EIF4ENIF1: variants seen among roughly 807,000 people sequenced by gnomAD.
The protein encoded by EIF4ENIF1 is eukaryotic translation initiation factor 4E transporter.
In EIF4ENIF1, 23 loss-of-function variants were observed where a neutral mutation model predicts 110.5. The ratio of observed to expected loss-of-function variants is 0.21; its 90% CI spans 0.15 to 0.29. EIF4ENIF1 has a LOEUF of 0.29. Ranked by LOEUF, EIF4ENIF1 falls within the 10% of genes least tolerant of loss-of-function variation. EIF4ENIF1 has a pLI of 1.00. For synonymous variants in EIF4ENIF1, 440 were observed against 437.0 expected, an observed-to-expected ratio of 1.01 and a Z score of -0.09; for missense variants, 1,031 against 1,221.1, an observed-to-expected ratio of 0.84 and a Z score of 2.32.
intron 2 of EIF4ENIF1, among the ~76,000 whole-genome samples, chr22:31,479,103 G>C (rs755975171): frequency 5.4e-5 from 8 of 148,180 alleles, no homozygotes; most frequent in Non-Finnish European, 1.2e-4. Flanking sequence ...TTTTTTTGGA[G>C]ATGGAATCTC....
intron 2 of EIF4ENIF1, among the ~76,000 whole-genome samples, chr22:31,486,357 G>C (rs1347014740): frequency 2.0e-5 from 3 of 152,164 alleles, no homozygotes; most frequent in Admixed American, 1.3e-4. Context: ...CCAGCTACTT[G>C]GGAGGCTGAG....
rs1362888431 is a variant in EIF4ENIF1, at chr22:31,439,655, C to T, written c.*225G>A. On this transcript the variant is annotated 3_prime_UTR_variant, in exon 19 of 19. Coordinates refer to ENST00000330125, the MANE Select transcript of EIF4ENIF1 (RefSeq NM_019843.4). Reference sequence around the variant, plus strand: ...TCTTACAAAAAAGAAAGACCATTTCCAGGATTGACAACATTGTGCATCCTG... The same window carrying T: ...TCTTACAAAAAAGAAAGACCATTTCTAGGATTGACAACATTGTGCATCCTG... 8.4e-6 allele frequency: 5 copies of T among 598,668 alleles called. No homozygotes were observed. The African/African-American group carries it at 9.4e-5, about 11-fold the overall frequency. 37.1% of individuals were successfully genotyped at this position (598,668 alleles called of 1,614,324 possible).
At chr22:31,476,121 TGCAAA>T (rs2051563309) in intron 2 of EIF4ENIF1, among the ~76,000 whole-genome samples, 1 of 152,218 alleles carries the variant, frequency 6.6e-6, no homozygotes, top group African/African-American at 2.4e-5. Context: ...GAAAAACCAC[TGCAAA>T]GCAATTTTTT....
chr22:31,475,954 G>C (rs903446578), intron 2 of EIF4ENIF1, among the ~76,000 whole-genome samples: 1 of 152,000 alleles, frequency 6.6e-6, no homozygotes, highest in South Asian at 2.1e-4. Flanking sequence ...CTTTGGGGCT[G>C]GGGGGAGGGG....
At chr22:31,451,215 A>T (rs987688212) in intron 10 of EIF4ENIF1, 18 of 152,158 alleles carry the variant, frequency 1.2e-4, no homozygotes, top group African/African-American at 4.3e-4. Flanking sequence ...CTAGTAAACA[A>T]CATGCAGGTT....
intron 2 of EIF4ENIF1, among the ~76,000 whole-genome samples, chr22:31,487,689 C>T (rs2052094014): frequency 1.3e-5 from 2 of 150,470 alleles, no homozygotes; most frequent in South Asian, 4.2e-4. Flanking sequence ...ACTCAGGAGA[C>T]TGAGATGGGA....
In EIF4ENIF1 at chr22:31,468,160, T is replaced by C. The variant is rs1275870126; in HGVS notation, c.298+15A>G. 2 of 1,611,242 alleles carry C rather than the reference T, an allele frequency of 1.2e-6. No individual in the cohort carries two copies. The highest frequency in any genetic ancestry group is 1.3e-5 in the African/African-American group (1 of 74,904). On this transcript the variant is annotated intron_variant, in intron 4 of 18. Transcript: ENST00000330125. ...CAAAATCACTAACCCCACTTCTGAG[T>C]GACTGTGTGCTCACCTACTATCCTG...
In EIF4ENIF1 at chr22:31,463,574, G is replaced by A; in HGVS notation, c.585+107C>T. 1.8e-6 allele frequency: 2 copies of A among 1,137,484 alleles called. 1 individual carries two copies. Among genetic ancestry groups the A allele is most frequent in the Non-Finnish European group, 2.4e-6 (2 of 824,058 alleles). The allele number at this position is 1,137,484 out of a possible 1,614,324, so 70.5% of individuals were successfully genotyped here. A position where few individuals can be genotyped will look rare whatever the true frequency, so the allele number is the denominator to read the frequency against. On this transcript the variant is annotated intron_variant, in intron 5 of 18. Transcript: ENST00000330125. Reference sequence around the variant, plus strand: ...GTGCGTGCCTATAATCCCAGATACTGGGCTGAGGCAGCAGTGAGTCAAGAT... The same window carrying A: ...GTGCGTGCCTATAATCCCAGATACTAGGCTGAGGCAGCAGTGAGTCAAGAT...
intron 2 of EIF4ENIF1, among the ~76,000 whole-genome samples, chr22:31,480,883 G>A (rs1025609935): frequency 6.6e-6 from 1 of 151,912 alleles, no homozygotes; most frequent in African/African-American, 2.4e-5. Flanking sequence ...TGGCCAACAT[G>A]GCGAAATCGT....
chr22:31,443,692 G>T (rs975190553), intron 15 of EIF4ENIF1, among the ~76,000 whole-genome samples: 1 of 151,836 alleles, frequency 6.6e-6, no homozygotes, highest in African/African-American at 2.4e-5. Context: ...CTGCCTTCAA[G>T]GTCACCGGTG....
chr22:31,456,500 A>G (rs11089505), intron 7 of EIF4ENIF1, among the ~76,000 whole-genome samples: 23,739 of 147,578 alleles, frequency 0.16, 2,317 homozygotes, highest in East Asian at 0.46. Flanking sequence ...TGGGATTACA[A>G]GCATGAGCCA....
At chr22:31,469,010 T>TA (rs1469165916) in intron 3 of EIF4ENIF1, among the ~76,000 whole-genome samples, 1 of 152,200 alleles carries the variant, frequency 6.6e-6, no homozygotes, top group Non-Finnish European at 1.5e-5. Flanking sequence ...AGCACCTGGA[T>TA]CATTTGATGT....
Position 31,449,834 on chromosome 22 carries a change from G to A in EIF4ENIF1, c.1585-303C>T, listed in dbSNP as rs186648017. On this transcript the variant is annotated intron_variant, in intron 11 of 18. Transcript: ENST00000330125. ...CAACCTCTGCCTACCGGGTTCAAGC[G>A]ATTCTCACGCCTCAGCCTCCTAAGG... Among the ~76,000 whole-genome samples the A allele has an allele frequency of 3.4e-4, 52 of 151,548 alleles. No homozygotes were observed. The South Asian group carries it at 3.6e-3, about 10-fold the overall frequency.
chr22:31,482,151 G>C (rs1365371820), intron 2 of EIF4ENIF1, among the ~76,000 whole-genome samples: 1 of 147,926 alleles, frequency 6.8e-6, no homozygotes, highest in Non-Finnish European at 1.5e-5. Context: ...CTGGATAACA[G>C]TGAGAGCCTG....
intron 14 of EIF4ENIF1, among the ~76,000 whole-genome samples, chr22:31,446,691 AG>A (rs918927691): frequency 1.3e-5 from 2 of 152,296 alleles, no homozygotes; most frequent in Admixed American, 1.3e-4. Context: ...GAGGAGGAAA[AG>A]GGGTATTACT....
chr22:31,448,024 C>A, intron 13 of EIF4ENIF1, 129 bp downstream of exon 13: 1 of 996,450 alleles, frequency 1.0e-6, no homozygotes, highest in Non-Finnish European at 1.5e-6. Flanking sequence ...GCTGGGATTA[C>A]GGGCATGAGC....
At chr22:31,460,472 A>T (rs539983600) in intron 6 of EIF4ENIF1, among the ~76,000 whole-genome samples, 1 of 150,676 alleles carries the variant, frequency 6.6e-6, no homozygotes, top group East Asian at 2.0e-4. Context: ...TCTCTACTAA[A>T]AATACAAAAA....
At chr22:31,461,001 T>C (rs2050975894) in intron 6 of EIF4ENIF1, among the ~76,000 whole-genome samples, 1 of 152,158 alleles carries the variant, frequency 6.6e-6, no homozygotes, top group South Asian at 2.1e-4. Flanking sequence ...TGTTGCCTAG[T>C]ATCTGCCAAA....
At chr22:31,439,061 G>C (rs1266518154), downstream of EIF4ENIF1, among the ~76,000 whole-genome samples, 1 of 152,182 alleles carries the variant, frequency 6.6e-6, no homozygotes, top group Non-Finnish European at 1.5e-5. Context: ...TTAAACTTCA[G>C]ATCACTTCCT....
Sources: allele counts gnomAD v4.1 joint callset (sites outside exome capture counted in the v4.1 genomes callset), GRCh38; gene constraint gnomAD v4.1.1; transcripts MANE v1.5; gene names NCBI Gene and HGNC (gene_info 2026-07-23, HGNC 2026-07-21).